Variants in DCTN4 observed in about 807,000 individuals in gnomAD.
The protein encoded by DCTN4 is dynactin 4 (p62).
A neutral mutation model predicts 62.7 loss-of-function variants in DCTN4; 23 were observed. That is an observed-to-expected ratio of 0.37 (90% confidence interval 0.26 to 0.52). The LOEUF is 0.52. Among genes scored for constraint, DCTN4 ranks in the 20% least tolerant of loss-of-function variants. The pLI, the probability that DCTN4 is intolerant of heterozygous loss-of-function variation, is 0.92. For missense variants in DCTN4, 514 were observed against 580.4 expected (o/e 0.89, Z 1.18); for synonymous variants, 199 against 202.1 (o/e 0.98, Z 0.13).
intron 4 of DCTN4, among the ~76,000 whole-genome samples, chr5:150,741,492 T>G (rs976995734): frequency 6.6e-6 from 1 of 151,254 alleles, no homozygotes; most frequent in Non-Finnish European, 1.5e-5. Flanking sequence ...ATTCTTTTTC[T>G]TTTTTTGAGA....
intron 8 of DCTN4, among the ~76,000 whole-genome samples, chr5:150,725,869 GC>G (rs1384694800): frequency 6.6e-6 from 1 of 151,960 alleles, no homozygotes; most frequent in Non-Finnish European, 1.5e-5. Flanking sequence ...CTCCAAGCTG[GC>G]TATTTATTAT....
chr5:150,746,254 T>C (rs1760957808), intron 3 of DCTN4, among the ~76,000 whole-genome samples: 2 of 151,774 alleles, frequency 1.3e-5, no homozygotes, highest in Admixed American at 6.6e-5. Context: ...AGAAGTTGAA[T>C]CTCTGAATAG....
chr5:150,754,349 T>C (rs1458801451), intron 2 of DCTN4, among the ~76,000 whole-genome samples: 1 of 152,188 alleles, frequency 6.6e-6, no homozygotes. Flanking sequence ...CTGGATACTA[T>C]CAAAAGAAGA....
At position 150,731,149 on chromosome 5, in the gene DCTN4, CTTT is replaced by C; in HGVS notation, c.616_618del (p.Lys206del). 2 of 1,603,406 alleles carry C rather than the reference CTTT, an allele frequency of 1.2e-6. No individual in the cohort carries two copies. Among genetic ancestry groups the C allele is most frequent in the East Asian group, 2.2e-5 (1 of 44,832 alleles). On this transcript the variant is annotated inframe_deletion, in exon 7 of 13. Coordinates refer to ENST00000447998, the MANE Select transcript of DCTN4 (RefSeq NM_016221.4). ...TTTATCTCTTTCTGATCCTCTCCTT[CTTT>C]AAGGCTGAAAAATTAAAAAAACAAA...
chr5:150,744,853 C>A (rs1760903210), intron 3 of DCTN4, among the ~76,000 whole-genome samples: 1 of 151,828 alleles, frequency 6.6e-6, no homozygotes, highest in Non-Finnish European at 1.5e-5. Flanking sequence ...AATGTAAAGA[C>A]CATCGAGACT....
chr5:150,732,049 C>A (rs1018079336), intron 5 of DCTN4: 1 of 766,658 alleles, frequency 1.3e-6, no homozygotes. Flanking sequence ...CTAAATATAA[C>A]ACACATTGGT....
chr5:150,743,318 G>A (rs1444707688), intron 3 of DCTN4, among the ~76,000 whole-genome samples: 1 of 151,530 alleles, frequency 6.6e-6, no homozygotes, highest in Non-Finnish European at 1.5e-5. Flanking sequence ...AAAAAAAGCA[G>A]CCACAGCTCA....
At chr5:150,716,645 C>T (rs757202948) in intron 11 of DCTN4, among the ~76,000 whole-genome samples, 7 of 152,150 alleles carry the variant, frequency 4.6e-5, no homozygotes, top group East Asian at 1.9e-4. Flanking sequence ...AACGTCAGGG[C>T]ACAGTGGCTC....
chr5:150,756,543 G>A (rs1561714132), intron 1 of DCTN4, 56 bp from the exon 2 acceptor site: 2 of 1,125,588 alleles, frequency 1.8e-6, no homozygotes, highest in East Asian at 4.9e-5. Context: ...TTTAACTTGT[G>A]TATATGTCTT....
At position 150,723,556 on chromosome 5, in the gene DCTN4, A is replaced by G. The variant is rs78063579; in HGVS notation, c.835-576T>C. On this transcript the variant is annotated intron_variant, in intron 8 of 12. Coordinates refer to ENST00000447998, the MANE Select transcript of DCTN4 (RefSeq NM_016221.4). ...CAATCAAAGCTCACTACAGCCTCCAACTCCTGGGCTCAAGTAATCTTCCTG... is the reference window on the plus strand; with the variant it reads ...CAATCAAAGCTCACTACAGCCTCCAGCTCCTGGGCTCAAGTAATCTTCCTG... 8.8e-3 allele frequency among the ~76,000 whole-genome samples: 1,344 copies of G among 152,264 alleles called. 20 individuals carry two copies. The highest frequency in any genetic ancestry group is 0.031 in the African/African-American group (1,274 of 41,540).
In DCTN4 at chr5:150,753,605, C is replaced by T; in HGVS notation, c.259G>A (p.Ala87Thr). 6.2e-7 allele frequency: 1 copy of T among 1,613,958 alleles called. No homozygotes were observed. The highest frequency in any genetic ancestry group is 8.5e-7 in the Non-Finnish European group (1 of 1,179,948). ...GGAAGCTGTGTGGAGATGCTCGTGG[C>T]CCGAGTAGAGAGGGTGTGCATGCAG... ...PGCMHTLSTR[A>T]TSISTQLPDD... The change falls in exon 3 of 13, where the codon GCC becomes ACC. Residue 87 changes from alanine (A) to threonine (T), a missense_variant. Transcript: ENST00000447998.
intron 9 of DCTN4, among the ~76,000 whole-genome samples, chr5:150,720,751 T>C (rs1015491305): frequency 1.3e-5 from 2 of 152,174 alleles, no homozygotes; most frequent in African/African-American, 4.8e-5. Flanking sequence ...AATGTTGAGA[T>C]TACAGGCATG....
chr5:150,755,910 C>G (rs1348099554), intron 2 of DCTN4, among the ~76,000 whole-genome samples: 1 of 152,032 alleles, frequency 6.6e-6, no homozygotes, highest in Non-Finnish European at 1.5e-5. Flanking sequence ...CTATCTTCAC[C>G]ATAATTCTGA....
intron 9 of DCTN4, among the ~76,000 whole-genome samples, chr5:150,721,280 A>C (rs2113016816): frequency 6.6e-6 from 1 of 152,320 alleles, no homozygotes; most frequent in African/African-American, 2.4e-5. Flanking sequence ...TTCCTTGTTA[A>C]TGGTTAATCA....
chr5:150,714,703 T>C (rs912273223), intron 12 of DCTN4, among the ~76,000 whole-genome samples: 1 of 152,110 alleles, frequency 6.6e-6, no homozygotes, highest in Admixed American at 6.6e-5. Context: ...CAGGAGGAAG[T>C]GGCAGTAAGC....
intron 5 of DCTN4, among the ~76,000 whole-genome samples, chr5:150,732,166 T>C (rs948308021): frequency 2.6e-5 from 4 of 152,262 alleles, no homozygotes; most frequent in Admixed American, 6.5e-5. Context: ...TAGATTTTTT[T>C]TGAGACAGAG....
chr5:150,728,657 A>C (rs147443289), intron 8 of DCTN4, among the ~76,000 whole-genome samples: 1 of 152,188 alleles, frequency 6.6e-6, no homozygotes, highest in African/African-American at 2.4e-5. Context: ...CTTTTAAAAA[A>C]ATTAGTGTTT....
chr5:150,719,659 A>G, intron 10 of DCTN4, 57 bp downstream of exon 10: 2 of 1,251,640 alleles, frequency 1.6e-6, no homozygotes, highest in South Asian at 1.2e-5. Context: ...CCACATACAC[A>G]TGTACACACA....
chr5:150,727,547 C>T (rs572642104), intron 8 of DCTN4, among the ~76,000 whole-genome samples: 3 of 152,060 alleles, frequency 2.0e-5, no homozygotes, highest in South Asian at 4.1e-4. Context: ...GAGGCCGAGG[C>T]GGGCGGATCA....
Sources: gnomAD v4.1 joint callset for allele counts (sites outside exome capture counted in the v4.1 genomes callset) on GRCh38, gnomAD v4.1.1 for gene constraint, MANE v1.5 for transcripts, NCBI Gene and HGNC (gene_info 2026-07-23, HGNC 2026-07-21) for gene names.